Variants in DYNC2LI1 observed in about 807,000 individuals in gnomAD.
DYNC2LI1 encodes dynein cytoplasmic 2 light intermediate chain 1.
Under a neutral mutation model 51.9 loss-of-function variants are expected in DYNC2LI1, and 45 were observed. The ratio of observed to expected loss-of-function variants is 0.87; its 90% CI spans 0.68 to 1.11. DYNC2LI1 has a LOEUF of 1.11. Among genes scored for constraint, DYNC2LI1 ranks in the 50% most tolerant of loss-of-function variants. DYNC2LI1 has a pLI of 0.00. For synonymous variants in DYNC2LI1, 130 were observed against 137.8 expected, an observed-to-expected ratio of 0.94 and a Z score of 0.40; for missense variants, 490 against 417.4, an observed-to-expected ratio of 1.17 and a Z score of -1.51.
At chr2:43,811,777 G>T (rs866596510), downstream of DYNC2LI1, among the ~76,000 whole-genome samples, 1 of 151,962 alleles carries the variant, frequency 6.6e-6, no homozygotes, top group Non-Finnish European at 1.5e-5. Flanking sequence ...GTATTTTTTA[G>T]TAGAGACGGG....
downstream of DYNC2LI1, among the ~76,000 whole-genome samples, chr2:43,810,671 G>C (rs1300187435): frequency 3.3e-5 from 5 of 152,154 alleles, no homozygotes; most frequent in African/African-American, 1.2e-4. Flanking sequence ...TCTGCTTATT[G>C]CAATGAACTA....
At chr2:43,792,815 A>G in intron 5 of DYNC2LI1, 1 of 1,519,982 alleles carries the variant, frequency 6.6e-7, no homozygotes, top group African/African-American at 1.4e-5. Context: ...TTCCGTTTGT[A>G]GTATGTGTCA....
chr2:43,802,206 C>T (rs1666098126), intron 10 of DYNC2LI1, among the ~76,000 whole-genome samples: 1 of 152,020 alleles, frequency 6.6e-6, no homozygotes, highest in South Asian at 2.1e-4. Context: ...ATTTCCTAAA[C>T]TCATAGACTC....
chr2:43,813,703 TTTTTCG>T (rs1572736891), downstream of DYNC2LI1, among the ~76,000 whole-genome samples: 2 of 139,952 alleles, frequency 1.4e-5, no homozygotes, highest in African/African-American at 5.6e-5. Context: ...TGGGGTTTTT[TTTTTCG>T]TTTTTTTTTT....
chr2:43,815,201 AAT>A, the DYNC2LI1 span, among the ~76,000 whole-genome samples: 2 of 152,238 alleles, frequency 1.3e-5, no homozygotes, highest in Non-Finnish European at 2.9e-5. Context: ...GTGAAAATGA[AAT>A]ATGTCTCCTC....
intron 10 of DYNC2LI1, among the ~76,000 whole-genome samples, chr2:43,802,978 A>G (rs1666124523): frequency 6.6e-6 from 1 of 152,214 alleles, no homozygotes; most frequent in Non-Finnish European, 1.5e-5. Flanking sequence ...ATATCACTAT[A>G]CATTTAACAG....
intron 10 of DYNC2LI1, among the ~76,000 whole-genome samples, chr2:43,802,163 T>A (rs1259034908): frequency 1.3e-5 from 2 of 152,172 alleles, no homozygotes; most frequent in Non-Finnish European, 2.9e-5. Flanking sequence ...TGATTTTTTG[T>A]TATGAAATAG....
the DYNC2LI1 span, among the ~76,000 whole-genome samples, chr2:43,827,100 A>C: frequency 6.6e-6 from 1 of 152,170 alleles, no homozygotes; most frequent in Non-Finnish European, 1.5e-5. Context: ...CAAGGCAGGC[A>C]GATCACCTGA....
In DYNC2LI1 at chr2:43,795,919, A is replaced by G. The variant is rs2104699042; in HGVS notation, c.537A>G (p.Val179=). 1 of 1,613,452 alleles carries G rather than the reference A, an allele frequency of 6.2e-7. No homozygotes were observed. The highest frequency in any genetic ancestry group is 8.5e-7 in the Non-Finnish European group (1 of 1,179,582). ...ATGAATTAATTGACCCATTTCCGGT[A>G]CCTCTGGTCATAATTGGAAGTAAAT... ...PDHELIDPFP[V]PLVIIGSKYD... The change falls in exon 7 of 13, where the codon GTA becomes GTG. Residue 179 remains valine (V), a synonymous_variant. Transcript: ENST00000260605.
intron 5 of DYNC2LI1, among the ~76,000 whole-genome samples, chr2:43,791,153 C>T (rs1673763840): frequency 6.6e-6 from 1 of 152,136 alleles, no homozygotes; most frequent in Non-Finnish European, 1.5e-5. Flanking sequence ...CCAGGGAGTT[C>T]AAGGCTGCAG....
intron 5 of DYNC2LI1, among the ~76,000 whole-genome samples, chr2:43,790,634 C>T (rs886562335): frequency 1.3e-5 from 2 of 151,304 alleles, no homozygotes; most frequent in Admixed American, 1.3e-4. Flanking sequence ...TGTAAAAATA[C>T]TGAAAGACAC....
Position 43,776,044 on chromosome 2 carries a change from C to T in DYNC2LI1, c.9-738C>T, listed in dbSNP as rs577698066. Among the ~76,000 whole-genome samples, 7 of 151,124 alleles carry T rather than the reference C, an allele frequency of 4.6e-5. No homozygotes were observed. In the South Asian group the frequency reaches 1.5e-3, roughly 32 times the overall value. ...TTGTTTGTTTTCTTTTCTTCTTCTT[C>T]TTTTTTTATACTTTAAGTTCTAGGA... On this transcript the variant is annotated intron_variant, in intron 1 of 12. Transcript: ENST00000260605.
At chr2:43,799,789 A>C (rs1190595492) in intron 8 of DYNC2LI1, among the ~76,000 whole-genome samples, 2 of 152,152 alleles carry the variant, frequency 1.3e-5, no homozygotes, top group East Asian at 3.9e-4. Context: ...AGAAAATAAA[A>C]TTAAACAGAG....
At chr2:43,775,064 A>T (rs181459218) in intron 1 of DYNC2LI1, among the ~76,000 whole-genome samples, 1 of 152,278 alleles carries the variant, frequency 6.6e-6, no homozygotes, top group African/African-American at 2.4e-5. Context: ...GCCCTCAATA[A>T]TTTTTGTAAT....
At chr2:43,825,174 G>T in the DYNC2LI1 span, among the ~76,000 whole-genome samples, 3 of 152,102 alleles carry the variant, frequency 2.0e-5, no homozygotes, top group Admixed American at 6.5e-5. Flanking sequence ...TCAGTCCTTC[G>T]ATGACCTTGG....
the DYNC2LI1 span, chr2:43,826,584 T>C: frequency 6.2e-7 from 1 of 1,610,532 alleles, no homozygotes; most frequent in South Asian, 1.1e-5. Flanking sequence ...TGCTTAAAAC[T>C]CAGAGTTCTG....
chr2:43,823,282 C>A, the DYNC2LI1 span, among the ~76,000 whole-genome samples: 1 of 143,520 alleles, frequency 7.0e-6, no homozygotes, highest in African/African-American at 2.6e-5. Flanking sequence ...CCCCACCCCA[C>A]CCCGCCCCCA....
chr2:43,818,909 A>T, the DYNC2LI1 span, among the ~76,000 whole-genome samples: 1 of 152,172 alleles, frequency 6.6e-6, no homozygotes, highest in African/African-American at 2.4e-5. Context: ...ATTTAGATAG[A>T]AAAGAGACTG....
chr2:43,807,050 C>T (rs1190353527), intron 12 of DYNC2LI1, among the ~76,000 whole-genome samples: 1 of 152,064 alleles, frequency 6.6e-6, no homozygotes, highest in African/African-American at 2.4e-5. Flanking sequence ...TAACAATTAC[C>T]AGTGTTGTTG....
Sources: allele counts gnomAD v4.1 joint callset (sites outside exome capture counted in the v4.1 genomes callset), GRCh38; gene constraint gnomAD v4.1.1; transcripts MANE v1.5; gene names NCBI Gene and HGNC (gene_info 2026-07-23, HGNC 2026-07-21).